ANK1: variants seen among roughly 807,000 people sequenced by gnomAD.
The protein encoded by ANK1 is ankyrin-1.
In ANK1, 51 loss-of-function variants were observed where a neutral mutation model predicts 210.4. That is an observed-to-expected ratio of 0.24 (90% CI 0.19 to 0.31). The LOEUF is 0.31. Ranked by LOEUF, ANK1 falls within the 10% of genes least tolerant of loss-of-function variation. The pLI is 1.00. For synonymous variants in ANK1, 967 were observed against 1,025.9 expected (o/e 0.94, Z 1.10); for missense variants, 2,051 against 2,504.4 (o/e 0.82, Z 3.86).
intron 2 of ANK1, among the ~76,000 whole-genome samples, chr8:41,756,737 C>T (rs917277896): frequency 2.6e-5 from 4 of 152,204 alleles, no homozygotes; most frequent in African/African-American, 7.2e-5. Flanking sequence ...GCCACTACAC[C>T]GGATAGTATT....
At position 41,699,448 on chromosome 8, in the gene ANK1, T is replaced by C; in HGVS notation, c.2558+4A>G. 1.2e-6 allele frequency: 2 copies of C among 1,614,002 alleles called. No homozygotes were observed. The highest frequency in any genetic ancestry group is 1.7e-6 in the Non-Finnish European group (2 of 1,180,000). On this transcript the variant is annotated splice_donor_region_variant and intron_variant, in intron 23 of 42. Transcript: ENST00000289734. ...CCGGGGACCCTCCCGGGAGCACTGC[T>C]CACACTTGGTCTAGCTTCGGCACAA... is the stretch of plus-strand genomic sequence containing the variant.
intron 1 of ANK1, among the ~76,000 whole-genome samples, chr8:41,763,884 T>TTTTG (rs1563703070): frequency 7.1e-5 from 8 of 113,244 alleles, no homozygotes; most frequent in Admixed American, 1.1e-4. Context: ...TTTTTTTCTT[T>TTTTG]TTTTCTTTTT....
intron 1 of ANK1, among the ~76,000 whole-genome samples, chr8:41,822,463 G>T (rs567526667): frequency 3.3e-5 from 5 of 152,244 alleles, no homozygotes; most frequent in Non-Finnish European, 4.4e-5. Flanking sequence ...TTTTGAGTAG[G>T]TATCTTCAAT....
At chr8:41,765,243 A>G (rs1230795526) in intron 1 of ANK1, among the ~76,000 whole-genome samples, 2 of 98,162 alleles carry the variant, frequency 2.0e-5, no homozygotes, top group South Asian at 6.3e-4. Context: ...TCTCTTCTCC[A>G]TTTCTTTCTT....
chr8:41,797,642 G>T (rs1849028639), upstream of ANK1: 1 of 1,550,174 alleles, frequency 6.5e-7, no homozygotes, highest in Middle Eastern at 2.3e-4. This position sits in a 1 kb window ranked among gnomAD's most constrained non-coding sequence, Gnocchi z 4.0. Context: ...GTGACGTGCG[G>T]GCCAGGCCCC....
intron 1 of ANK1, among the ~76,000 whole-genome samples, chr8:41,773,555 G>C (rs920648): frequency 6.6e-6 from 1 of 152,142 alleles, no homozygotes; most frequent in Admixed American, 6.5e-5. Context: ...GGTGGAATTC[G>C]ACTCCTAACG....
intron 26 of ANK1, among the ~76,000 whole-genome samples, chr8:41,695,954 G>A (rs1820796541): frequency 1.3e-5 from 2 of 151,804 alleles, no homozygotes; most frequent in African/African-American, 2.4e-5. Flanking sequence ...CAGGGAGGCC[G>A]TCTTACTGGG....
chr8:41,812,651 C>A (rs969628876), intron 1 of ANK1, among the ~76,000 whole-genome samples: 1 of 152,176 alleles, frequency 6.6e-6, no homozygotes. Flanking sequence ...TGAAATATAC[C>A]AGAGAATAGC....
chr8:41,859,393 C>G (rs747537738), intron 1 of ANK1, among the ~76,000 whole-genome samples: 1 of 152,220 alleles, frequency 6.6e-6, no homozygotes, highest in Non-Finnish European at 1.5e-5. Context: ...GTCGCCCAGG[C>G]TGGAATGCTG....
intron 1 of ANK1, among the ~76,000 whole-genome samples, chr8:41,845,389 A>C (rs752670317): frequency 1.0e-4 from 10 of 98,686 alleles, no homozygotes; most frequent in South Asian, 2.9e-4. Context: ...ACTCCATCCC[A>C]AAAAAAAAAA....
chr8:41,733,193 A>G (rs1207707250), intron 3 of ANK1, among the ~76,000 whole-genome samples: 1 of 152,222 alleles, frequency 6.6e-6, no homozygotes, highest in Non-Finnish European at 1.5e-5. Context: ...ATCTACTGAA[A>G]TGGAGTGAAA....
intron 39 of ANK1, among the ~76,000 whole-genome samples, chr8:41,667,118 G>A (rs544141126): frequency 6.6e-6 from 1 of 152,358 alleles, no homozygotes; most frequent in African/African-American, 2.4e-5. Flanking sequence ...CCTGATGGAA[G>A]AAACGGACGG....
At chr8:41,710,273 T>G (rs926628370) in intron 16 of ANK1, among the ~76,000 whole-genome samples, 4 of 152,160 alleles carry the variant, frequency 2.6e-5, no homozygotes, top group Admixed American at 2.6e-4. Context: ...ATAAGGTCAC[T>G]AGGGCAGGCA....
At chr8:41,697,982 T>C (rs1206451302) in intron 24 of ANK1, 61 bp downstream of exon 24, 11 of 1,537,250 alleles carry the variant, frequency 7.2e-6, no homozygotes, top group Non-Finnish European at 9.9e-6. Context: ...CCCTCAACAA[T>C]CACTGTCCCA....
At chr8:41,683,263 G>A (rs939135448) in intron 37 of ANK1, among the ~76,000 whole-genome samples, 3 of 152,138 alleles carry the variant, frequency 2.0e-5, no homozygotes, top group Admixed American at 6.5e-5. Context: ...GCACGATAGC[G>A]TGAGTGCACA....
chr8:41,761,172 TGCACACACAGATGCATGC>T (rs138555266), intron 1 of ANK1, among the ~76,000 whole-genome samples: 15,445 of 145,814 alleles, frequency 0.11, 913 homozygotes, highest in South Asian at 0.15. Context: ...TATGCACACA[TGCACACACAGATGCATGC>T]GCACACACAC....
intron 1 of ANK1, among the ~76,000 whole-genome samples, chr8:41,856,007 G>T (rs1812115443): frequency 6.6e-6 from 1 of 152,176 alleles, no homozygotes; most frequent in Admixed American, 6.5e-5. Flanking sequence ...GGGAAATTCT[G>T]ATGTCAACAA....
intron 2 of ANK1, among the ~76,000 whole-genome samples, chr8:41,748,440 C>A (rs549544507): frequency 6.6e-6 from 1 of 152,300 alleles, no homozygotes; most frequent in African/African-American, 2.4e-5. Context: ...CTAGCTCTAA[C>A]CTCCTTAGCT....
At chr8:41,894,123 G>A (rs1005615911) in intron 1 of ANK1, among the ~76,000 whole-genome samples, 3 of 151,998 alleles carry the variant, frequency 2.0e-5, no homozygotes, top group East Asian at 3.8e-4. Flanking sequence ...TACAAAATAC[G>A]AACAAAGCAT....
Sources: allele counts gnomAD v4.1 joint callset (sites outside exome capture counted in the v4.1 genomes callset), GRCh38; gene constraint gnomAD v4.1.1; non-coding constraint Gnocchi (gnomAD v3.1); transcripts MANE v1.5; gene names NCBI Gene and HGNC (gene_info 2026-07-23, HGNC 2026-07-21).